RBM43: variants seen among roughly 807,000 people sequenced by gnomAD.
RBM43 encodes the protein RNA binding motif protein 43.
Under a neutral mutation model 12.4 loss-of-function variants are expected in RBM43, and 12 were observed. The observed-to-expected ratio is 0.97, with a 90% CI of 0.62 to 1.57. The LOEUF is 1.57. RBM43 is among the 40% of genes most tolerant of loss of function. The probability of loss-of-function intolerance (pLI) is 0.00; values close to 1 mark genes in which losing one functional copy is unlikely to be tolerated. For synonymous variants in RBM43, 138 were observed against 145.7 expected (o/e 0.95, Z 0.38); for missense variants, 348 against 400.1 (o/e 0.87, Z 1.11).
intron 1 of RBM43, among the ~76,000 whole-genome samples, chr2:151,259,969 G>A (rs1683026209): frequency 6.6e-6 from 1 of 151,954 alleles, no homozygotes; most frequent in Admixed American, 6.6e-5. Flanking sequence ...GGGTTCAAGC[G>A]ATTCTCCTGC....
intron 1 of RBM43, chr2:151,261,382 TC>T: frequency 6.4e-7 from 1 of 1,550,586 alleles, no homozygotes; most frequent in African/African-American, 1.4e-5. Context: ...AAGCAGCTCC[TC>T]GACGAACGGC....
At chr2:151,257,312 A>ACT (rs1682987269) in intron 1 of RBM43, among the ~76,000 whole-genome samples, 1 of 54,438 alleles carries the variant, frequency 1.8e-5, no homozygotes, top group African/African-American at 4.1e-5. Context: ...GCGTGCACAA[A>ACT]CACACACACA....
chr2:151,259,886 G>C (rs950055689), intron 1 of RBM43, among the ~76,000 whole-genome samples: 2 of 151,986 alleles, frequency 1.3e-5, no homozygotes, highest in East Asian at 3.9e-4. Flanking sequence ...TTTGTTTTGA[G>C]ATGGAGTCTA....
intron 1 of RBM43, among the ~76,000 whole-genome samples, chr2:151,258,913 C>T (rs1177579286): frequency 4.6e-5 from 7 of 151,846 alleles, no homozygotes; most frequent in African/African-American, 1.5e-4. Flanking sequence ...GAGGATGAGG[C>T]GGGCAGATCA....
intron 1 of RBM43, among the ~76,000 whole-genome samples, chr2:151,258,347 A>G (rs1455765228): frequency 6.6e-6 from 1 of 151,916 alleles, no homozygotes; most frequent in Admixed American, 6.6e-5. Flanking sequence ...CAGCTGGGCC[A>G]AACCACAAGG....
intron 1 of RBM43, among the ~76,000 whole-genome samples, chr2:151,258,403 C>G (rs1231679199): frequency 6.0e-5 from 9 of 151,034 alleles, no homozygotes; most frequent in Non-Finnish European, 1.2e-4. Context: ...AAAAAAAGGC[C>G]TGAAAAGCCT....
rs1217983000 is a variant in RBM43, at chr2:151,251,141, A to G, written c.839T>C (p.Ile280Thr). ...PNNAKHVKEL[I>T]EEWSHALYLK... ...GTAAAGAGCATGTGACCATTCCTCA[A>G]TGAGCTCTTTTACATGTTTTGCATT... Residue 280 changes from isoleucine to threonine, a missense_variant, in exon 4 of 4, where the codon ATT becomes ACT. Transcript: ENST00000331426. 1 of 1,613,606 alleles carries G rather than the reference A, an allele frequency of 6.2e-7. No individual in the cohort carries two copies. Among genetic ancestry groups the G allele is most frequent in the South Asian group, 1.1e-5 (1 of 91,052 alleles).
rs765752612 is a variant in RBM43, at chr2:151,251,473, T to C, written c.507A>G (p.Arg169=). The change falls in exon 4 of 4, where the codon AGA becomes AGG. Residue 169 remains arginine, a synonymous_variant. Coordinates refer to ENST00000331426, the MANE Select transcript of RBM43 (RefSeq NM_198557.3). The part of the protein sequence containing the change: ...VKRLRESLLA[R]ACSLLEKDRN... ...TGTCTTTTTCTAAGAGAGAACATGCTCTTGCTAGCAAAGATTCTCTGAGCC... is the reference window on the plus strand; with the variant it reads ...TGTCTTTTTCTAAGAGAGAACATGCCCTTGCTAGCAAAGATTCTCTGAGCC... The C allele has an allele frequency of 2.8e-5, 45 of 1,614,034 alleles. No individual in the cohort carries two copies. In the East Asian group the frequency reaches 8.2e-4, roughly 30 times the overall value.
At chr2:151,257,754 G>A (rs1682993312) in intron 1 of RBM43, among the ~76,000 whole-genome samples, 1 of 151,858 alleles carries the variant, frequency 6.6e-6, no homozygotes, top group African/African-American at 2.4e-5. Context: ...GCACAGGAGA[G>A]TTCAACAAAT....
At chr2:151,260,151 C>T (rs1213726245) in intron 1 of RBM43, among the ~76,000 whole-genome samples, 5 of 149,310 alleles carry the variant, frequency 3.3e-5, no homozygotes, top group East Asian at 2.0e-4. Flanking sequence ...TTTTAGACAG[C>T]GCCTCGCTCT....
Position 151,251,348 on chromosome 2 carries a change from G to A in RBM43, c.632C>T (p.Pro211Leu). ...CATTTCTCCACTTCTAGCAGTCTCA[G>A]GTACTAAGGTCCTGACTGATGCCAA... ...NSLASVRTLVPETARSGEMLV... is the reference protein window; with the variant it reads ...NSLASVRTLVLETARSGEMLV... Residue 211 changes from proline (P) to leucine (L), a missense_variant, in exon 4 of 4, where the codon CCT becomes CTT. By Grantham distance (98) the Pro-to-Leu change is moderately conservative. Transcript: ENST00000331426. 1.2e-6 allele frequency: 2 copies of A among 1,614,094 alleles called. No homozygotes were observed. The highest frequency in any genetic ancestry group is 1.7e-5 in the Admixed American group (1 of 60,032).
chr2:151,248,486 G>T lies in RBM43; in HGVS notation c.*2420C>A, dbSNP rs1269998027. 10 of 152,148 alleles carry T rather than the reference G, an allele frequency of 6.6e-5. No homozygotes were observed. Among genetic ancestry groups the T allele is most frequent in the African/African-American group, 2.2e-4 (9 of 41,444 alleles). 9.4% of individuals were successfully genotyped at this position (152,148 alleles called of 1,614,324 possible). On this transcript the variant is annotated 3_prime_UTR_variant, in exon 4 of 4. Transcript: ENST00000331426. The stretch of plus-strand genomic sequence containing the variant: ...AAGGGGAGGGGAAAGGTCTAGAAAA[G>T]AAAGTTTCAGCCACCTTTGAGACAG...
At chr2:151,255,961 C>A (rs556755275) in intron 1 of RBM43, among the ~76,000 whole-genome samples, 5 of 151,928 alleles carry the variant, frequency 3.3e-5, no homozygotes, top group African/African-American at 1.2e-4. Flanking sequence ...AAAATTAAAC[C>A]CTTCTTTTTT....
chr2:151,252,661 G>T, intron 3 of RBM43, 94 bp downstream of exon 3: 1 of 678,340 alleles, frequency 1.5e-6, no homozygotes, highest in Non-Finnish European at 2.6e-6. Flanking sequence ...AGAAGTCATG[G>T]AGTGAGAGCA....
chr2:151,261,543 G>T, intron 1 of RBM43, 182 bp downstream of exon 1: 2 of 1,545,424 alleles, frequency 1.3e-6, no homozygotes, highest in Non-Finnish European at 1.7e-6. Flanking sequence ...ACCTGAGTTT[G>T]CCCGCCGGGG....
chr2:151,255,621 G>A lies in RBM43; in HGVS notation c.126C>T (p.Asp42=), dbSNP rs1682962976. The A allele has an allele frequency of 4.3e-6, 7 of 1,613,646 alleles. No individual in the cohort carries two copies. Among genetic ancestry groups the A allele is most frequent in the Non-Finnish European group, 5.9e-6 (7 of 1,179,814 alleles). ...CAACATCTCCGCCCTCATTCTTAAT[G>A]TCTTGGAAGTGGCTCTTCACTAATA... ...LAVLVKSHFQ[D]IKNEGGDVED... The change falls in exon 2 of 4, where the codon GAC becomes GAT. Residue 42 remains aspartate, a synonymous_variant. Coordinates refer to ENST00000331426, the MANE Select transcript of RBM43 (RefSeq NM_198557.3).
Position 151,251,025 on chromosome 2 carries a change from T to G in RBM43, c.955A>C (p.Arg319=). The change falls in exon 4 of 4, where the codon AGA becomes CGA. Residue 319 remains arginine (R), a synonymous_variant. Coordinates refer to ENST00000331426, the MANE Select transcript of RBM43 (RefSeq NM_198557.3). ...AGGTTAATCAGGACTTCAAGGTATC[T>G]CGAACTTAATTGTTCACATGCCCTT... The part of the protein sequence containing the change: ...IKRACEQLSS[R]YLEVLINLYR... 6.2e-7 allele frequency: 1 copy of G among 1,614,076 alleles called. No individual in the cohort carries two copies. The highest frequency in any genetic ancestry group is 8.5e-7 in the Non-Finnish European group (1 of 1,179,924).
At chr2:151,255,395 G>A (rs894128895) in intron 2 of RBM43, 138 bp downstream of exon 2, 10 of 576,584 alleles carry the variant, frequency 1.7e-5, no homozygotes, top group Non-Finnish European at 3.0e-5. Context: ...TCTAACCTGG[G>A]CAACAGAGTG....
intron 2 of RBM43, among the ~76,000 whole-genome samples, chr2:151,255,005 A>G (rs1057435997): frequency 8.5e-5 from 13 of 152,244 alleles, no homozygotes; most frequent in Non-Finnish European, 1.8e-4. Context: ...AAAATACAGA[A>G]GAAAGTTTTC....
Sources: gnomAD v4.1 joint callset for allele counts (sites outside exome capture counted in the v4.1 genomes callset) on GRCh38, gnomAD v4.1.1 for gene constraint, MANE v1.5 for transcripts, NCBI Gene and HGNC (gene_info 2026-07-23, HGNC 2026-07-21) for gene names.